AK5: variants seen among roughly 807,000 people sequenced by gnomAD.
AK5 encodes adenylate kinase isoenzyme 5.
Under a neutral mutation model 69.5 loss-of-function variants are expected in AK5, and 27 were observed. The ratio of observed to expected loss-of-function variants is 0.39; its 90% CI spans 0.29 to 0.54. The LOEUF (loss-of-function observed/expected upper bound fraction) is 0.54, where lower values mean the gene tolerates loss of function less well. Ranked by LOEUF, AK5 falls within the 20% of genes least tolerant of loss-of-function variation. The pLI, the probability that AK5 is intolerant of heterozygous loss-of-function variation, is 0.71. For synonymous variants in AK5, 260 were observed against 244.4 expected (o/e 1.06, Z -0.60); for missense variants, 531 against 700.4 (o/e 0.76, Z 2.73).
chr1:77,300,251 C>G (rs1015027579), intron 5 of AK5, among the ~76,000 whole-genome samples: 2 of 152,188 alleles, frequency 1.3e-5, no homozygotes. Context: ...GATTTGGGGT[C>G]TGTTAGCAAA....
intron 10 of AK5, among the ~76,000 whole-genome samples, chr1:77,516,327 TGGTTCTGG>T (rs1657640971): frequency 6.6e-6 from 1 of 152,048 alleles, no homozygotes; most frequent in Non-Finnish European, 1.5e-5. Flanking sequence ...TGAGGAGATG[TGGTTCTGG>T]AGACCTCATG....
chr1:77,484,123 T>A lies in AK5; in HGVS notation c.1102+764T>A, dbSNP rs960689019. ...GAGGTTTCAGTGAGCCAAGTTTGCG[T>A]CATTGCACTCTTGGCGACAGAGTGA... On this transcript the variant is annotated intron_variant, in intron 9 of 13. Coordinates refer to ENST00000354567, the MANE Select transcript of AK5 (RefSeq NM_174858.3). 8.0e-5 allele frequency among the ~76,000 whole-genome samples: 12 copies of A among 149,374 alleles called. No homozygotes were observed. In the Admixed American group the frequency reaches 8.1e-4, roughly 10 times the overall value.
At chr1:77,507,430 C>T (rs541880626) in intron 10 of AK5, among the ~76,000 whole-genome samples, 3 of 152,348 alleles carry the variant, frequency 2.0e-5, no homozygotes, top group African/African-American at 7.2e-5. Context: ...AAGTAGAACA[C>T]ATAAAACAGA....
chr1:77,375,732 C>T (rs1647214073), intron 6 of AK5, among the ~76,000 whole-genome samples: 1 of 152,106 alleles, frequency 6.6e-6, no homozygotes, highest in African/African-American at 2.4e-5. Context: ...TAGAATGCAG[C>T]TCTTTAGAGA....
At chr1:77,467,221 G>A (rs1365524990) in intron 8 of AK5, among the ~76,000 whole-genome samples, 1 of 152,180 alleles carries the variant, frequency 6.6e-6, no homozygotes, top group African/African-American at 2.4e-5. Context: ...TACATACCAG[G>A]TGTGAGACTT....
chr1:77,289,957 A>G (rs865975386), intron 2 of AK5, among the ~76,000 whole-genome samples: 42 of 152,106 alleles, frequency 2.8e-4, no homozygotes, highest in African/African-American at 9.9e-4. Flanking sequence ...TTGGGTACAC[A>G]AATTGTGAGT....
At chr1:77,537,400 C>T (rs7551211) in intron 13 of AK5, among the ~76,000 whole-genome samples, 1 of 151,872 alleles carries the variant, frequency 6.6e-6, no homozygotes, top group Non-Finnish European at 1.5e-5. Context: ...TAATTGTCCT[C>T]TGAGTGATGG....
At chr1:77,508,544 A>T (rs913625339) in intron 10 of AK5, among the ~76,000 whole-genome samples, 19 of 152,178 alleles carry the variant, frequency 1.2e-4, no homozygotes, top group African/African-American at 4.3e-4. Context: ...ATTGACCAAA[A>T]CAAGTCCCTT....
At chr1:77,414,074 A>G (rs1650232564) in intron 7 of AK5, among the ~76,000 whole-genome samples, 1 of 152,176 alleles carries the variant, frequency 6.6e-6, no homozygotes, top group African/African-American at 2.4e-5. Context: ...TGTTTGTAGC[A>G]TGGATCAATG....
At chr1:77,529,186 G>A (rs1382400375) in intron 12 of AK5, among the ~76,000 whole-genome samples, 1 of 152,006 alleles carries the variant, frequency 6.6e-6, no homozygotes, top group East Asian at 1.9e-4. Flanking sequence ...GCCTGTTTTT[G>A]CTTAGTTAAA....
intron 8 of AK5, among the ~76,000 whole-genome samples, chr1:77,453,139 G>A (rs373928688): frequency 9.2e-5 from 14 of 152,080 alleles, no homozygotes; most frequent in South Asian, 8.3e-4. Flanking sequence ...AGATGTCCCC[G>A]TTCTGAATTC....
chr1:77,546,912 G>A (rs1659570640), intron 13 of AK5, among the ~76,000 whole-genome samples: 1 of 152,198 alleles, frequency 6.6e-6, no homozygotes, highest in Non-Finnish European at 1.5e-5. Flanking sequence ...CAAGCCAGAT[G>A]AAGGAGAAGG....
intron 5 of AK5, among the ~76,000 whole-genome samples, chr1:77,336,866 C>T (rs1315790036): frequency 1.3e-5 from 2 of 151,914 alleles, no homozygotes; most frequent in African/African-American, 4.8e-5. Flanking sequence ...GTATTTTTTT[C>T]CTTCAGCATT....
chr1:77,457,548 T>C (rs1195288218), intron 8 of AK5, among the ~76,000 whole-genome samples: 1 of 152,184 alleles, frequency 6.6e-6, no homozygotes, highest in Non-Finnish European at 1.5e-5. Context: ...TCAAGAGCTC[T>C]TTCTTTCTTT....
intron 8 of AK5, among the ~76,000 whole-genome samples, chr1:77,464,367 G>A (rs1004566904): frequency 3.9e-5 from 6 of 152,202 alleles, no homozygotes; most frequent in South Asian, 2.1e-4. Flanking sequence ...GCCGGTTGGA[G>A]TTTTTCCGGA....
chr1:77,409,325 G>A (rs76093362), intron 6 of AK5, among the ~76,000 whole-genome samples: 2,743 of 152,162 alleles, frequency 0.018, 82 homozygotes, highest in African/African-American at 0.063. Context: ...TTTACTCTTC[G>A]AGGAATTGCC....
chr1:77,483,739 C>T (rs956159277), intron 9 of AK5, among the ~76,000 whole-genome samples: 2 of 152,222 alleles, frequency 1.3e-5, no homozygotes, highest in Non-Finnish European at 2.9e-5. Flanking sequence ...AACTTTAATT[C>T]AACATTCATT....
intron 6 of AK5, among the ~76,000 whole-genome samples, chr1:77,367,687 A>G (rs1646998179): frequency 2.9e-5 from 2 of 70,154 alleles, no homozygotes; most frequent in African/African-American, 5.2e-5. Flanking sequence ...TATATGTTAT[A>G]TATACGTTAT....
chr1:77,379,377 T>G (rs986554074), intron 6 of AK5, among the ~76,000 whole-genome samples: 5 of 152,226 alleles, frequency 3.3e-5, no homozygotes, highest in Non-Finnish European at 5.9e-5. Context: ...TTCCTTTCTC[T>G]GCTGGCAGCA....
Sources: gnomAD v4.1 joint callset for allele counts (sites outside exome capture counted in the v4.1 genomes callset) on GRCh38, gnomAD v4.1.1 for gene constraint, MANE v1.5 for transcripts, NCBI Gene and HGNC (gene_info 2026-07-23, HGNC 2026-07-21) for gene names.